TMEM260: variants seen among roughly 807,000 people sequenced by gnomAD.
TMEM260 encodes protein O-mannosyl-transferase TMEM260.
TMEM260 carries 82 observed loss-of-function variants against 88.9 expected under a neutral mutation model. The observed-to-expected ratio is 0.92, with a 90% confidence interval of 0.77 to 1.11. The LOEUF (loss-of-function observed/expected upper bound fraction) is 1.11. TMEM260 is among the 50% of genes least tolerant of loss of function. The pLI, the probability that TMEM260 is intolerant of heterozygous loss-of-function variation, is 0.00. For synonymous variants in TMEM260, 314 were observed against 309.3 expected (o/e 1.02, Z -0.16); for missense variants, 902 against 853.4 (o/e 1.06, Z -0.71).
At chr14:56,590,107 C>G (rs1281210101) in intron 3 of TMEM260, among the ~76,000 whole-genome samples, 1 of 152,126 alleles carries the variant, frequency 6.6e-6, no homozygotes, top group Non-Finnish European at 1.5e-5. Context: ...CTGTCTTGAT[C>G]CGTGGTTAAT....
intron 15 of TMEM260, among the ~76,000 whole-genome samples, chr14:56,641,282 A>T (rs1295210849): frequency 2.0e-5 from 3 of 152,316 alleles, no homozygotes; most frequent in East Asian, 3.9e-4. Flanking sequence ...GGGGTTACCC[A>T]CAAAGGGAAG....
At chr14:56,580,817 C>T (rs1248919022) in intron 1 of TMEM260, among the ~76,000 whole-genome samples, 2 of 152,150 alleles carry the variant, frequency 1.3e-5, no homozygotes, top group Non-Finnish European at 2.9e-5. Flanking sequence ...TTCAATAATG[C>T]CATATCATGG....
In TMEM260 at chr14:56,649,248, T is replaced by C. The variant is rs1244176169; in HGVS notation, c.*1751T>C. 6.6e-6 allele frequency: 1 copy of C among 152,618 alleles called. No individual in the cohort carries two copies. The highest frequency in any genetic ancestry group is 2.4e-5 in the African/African-American group (1 of 41,442). 9.5% of individuals were successfully genotyped at this position (152,618 alleles called of 1,614,324 possible). Reference sequence around the variant, plus strand: ...TCATCTTGAACCAGAAAAAAATGAATTGAAGTTGTTGAGTACTAATTGGCA... The same window carrying C: ...TCATCTTGAACCAGAAAAAAATGAACTGAAGTTGTTGAGTACTAATTGGCA... On this transcript the variant is annotated 3_prime_UTR_variant, in exon 16 of 16. Transcript: ENST00000261556.
At chr14:56,657,325 T>C in the TMEM260 span, among the ~76,000 whole-genome samples, 1 of 152,132 alleles carries the variant, frequency 6.6e-6, no homozygotes, top group Non-Finnish European at 1.5e-5. Flanking sequence ...TTTTTAAAAA[T>C]AGAGGTGAGG....
chr14:56,584,546 C>A (rs1040795304), intron 1 of TMEM260, among the ~76,000 whole-genome samples: 47 of 152,056 alleles, frequency 3.1e-4, no homozygotes, highest in Non-Finnish European at 1.0e-4. Context: ...GGAGAAGATA[C>A]CCAAATGCCA....
rs1296520965 is a variant in TMEM260 at position 56,648,648 on chromosome 14, A to G, written c.*1151A>G. 6.5e-6 allele frequency: 1 copy of G among 152,672 alleles called. No individual in the cohort carries two copies. Among genetic ancestry groups the G allele is most frequent in the African/African-American group, 2.4e-5 (1 of 41,462 alleles). The allele number at this position is 152,672 out of a possible 1,614,324, so 9.5% of individuals were successfully genotyped here. A position where few individuals can be genotyped will look rare whatever the true frequency, so the allele number is the denominator to read the frequency against. On this transcript the variant is annotated 3_prime_UTR_variant, in exon 16 of 16. Transcript: ENST00000261556. The stretch of plus-strand genomic sequence containing the variant: ...AATAGTCACAGTTCCGTGGCATTGT[A>G]CTAGCAAAAGGGTCTGATCAAAGGT...
intron 14 of TMEM260, among the ~76,000 whole-genome samples, chr14:56,635,247 G>A (rs576551282): frequency 1.3e-5 from 2 of 152,340 alleles, no homozygotes; most frequent in South Asian, 2.1e-4. Context: ...GTTCACATCT[G>A]TCTGCCTCTG....
chr14:56,658,571 A>G, the TMEM260 span, among the ~76,000 whole-genome samples: 2 of 151,966 alleles, frequency 1.3e-5, no homozygotes, highest in Non-Finnish European at 2.9e-5. Context: ...CACAAATCCA[A>G]ATTGAGAGAC....
chr14:56,640,004 G>A (rs1183123415), intron 15 of TMEM260, among the ~76,000 whole-genome samples: 3 of 152,216 alleles, frequency 2.0e-5, no homozygotes, highest in African/African-American at 7.2e-5. Context: ...ACTGGGTAGA[G>A]CCCACCACAG....
chr14:56,611,825 G>A (rs182928483), intron 6 of TMEM260, among the ~76,000 whole-genome samples: 1 of 152,118 alleles, frequency 6.6e-6, no homozygotes, highest in Non-Finnish European at 1.5e-5. Context: ...TTTTTTTAAT[G>A]TGATACATAT....
rs909605396 is a variant in TMEM260 at position 56,616,406 on chromosome 14, CCATTAA to C, written c.941+380_941+385del. 6 of 161,286 alleles carry C rather than the reference CCATTAA, an allele frequency of 3.7e-5. No homozygotes were observed. In the Admixed American group the frequency reaches 3.7e-4, roughly 10 times the overall value. The allele number at this position is 161,286 out of a possible 1,614,324, so 10.0% of individuals were successfully genotyped here. A position where few individuals can be genotyped will look rare whatever the true frequency, so the allele number is the denominator to read the frequency against. On this transcript the variant is annotated intron_variant, in intron 8 of 15. Coordinates refer to ENST00000261556, the MANE Select transcript of TMEM260 (RefSeq NM_017799.4). ...CTGAAAAATGTAGCACTGTAAATCTCCATTAATTTATTCATTTATGATCTAGTCTGT... is the reference window on the plus strand; with the variant it reads ...CTGAAAAATGTAGCACTGTAAATCTCTTTATTCATTTATGATCTAGTCTGT...
intron 13 of TMEM260, 86 bp from the exon 14 acceptor site, chr14:56,634,813 G>A (rs1161029187): frequency 1.6e-6 from 2 of 1,223,096 alleles, no homozygotes; most frequent in Non-Finnish European, 2.4e-6. Context: ...TTGCATTCCA[G>A]CCTGGGCAGC....
chr14:56,633,888 T>A (rs983052752), intron 13 of TMEM260, among the ~76,000 whole-genome samples: 2 of 152,224 alleles, frequency 1.3e-5, no homozygotes, highest in Non-Finnish European at 2.9e-5. Flanking sequence ...AACCTATTGC[T>A]TATAATTTAA....
At chr14:56,643,725 T>G (rs1889767101) in intron 15 of TMEM260, among the ~76,000 whole-genome samples, 1 of 152,246 alleles carries the variant, frequency 6.6e-6, no homozygotes, top group Non-Finnish European at 1.5e-5. Flanking sequence ...AAATTGTCCC[T>G]GTTTGCAGAT....
intron 3 of TMEM260, 62 bp from the exon 4 acceptor site, chr14:56,603,753 A>G: frequency 1.3e-6 from 2 of 1,597,564 alleles, no homozygotes; most frequent in Non-Finnish European, 1.7e-6. Flanking sequence ...AGTTTACCAA[A>G]AGGAAAATAA....
the TMEM260 span, among the ~76,000 whole-genome samples, chr14:56,661,428 T>C: frequency 1.3e-5 from 2 of 152,012 alleles, no homozygotes; most frequent in African/African-American, 4.8e-5. Flanking sequence ...CTCTGAATTT[T>C]GTACCATGAG....
chr14:56,588,507 G>A (rs1046553961), intron 3 of TMEM260, among the ~76,000 whole-genome samples: 2 of 151,814 alleles, frequency 1.3e-5, no homozygotes, highest in African/African-American at 4.8e-5. Flanking sequence ...TGCTTTTCTT[G>A]CATCTTTCTC....
At chr14:56,650,492 A>G (rs17091907), downstream of TMEM260, 2,162 of 155,474 alleles carry the variant, frequency 0.014, 53 homozygotes, top group African/African-American at 0.049. Context: ...GTTTTTTAAA[A>G]GCACCCATTT....
rs755009282 is a variant in TMEM260, at chr14:56,647,485, G to A, written c.2112G>A (p.Arg704=). Residue 704 remains arginine, a synonymous_variant, in exon 16 of 16, where the codon AGG becomes AGA. Transcript: ENST00000261556. ...LRKELQSLRN[R]KNV ...AAGAACTGCAAAGTCTGAGAAATAG[G>A]AAAAATGTCTGAGACAGCAAAATAT... The A allele has an allele frequency of 3.1e-6, 5 of 1,594,634 alleles. No individual in the cohort carries two copies. The Admixed American group carries it at 9.1e-5, about 29-fold the overall frequency.
Sources: gnomAD v4.1 joint callset for allele counts (sites outside exome capture counted in the v4.1 genomes callset) on GRCh38, gnomAD v4.1.1 for gene constraint, MANE v1.5 for transcripts, NCBI Gene and HGNC (gene_info 2026-07-23, HGNC 2026-07-21) for gene names.